Variants in PSMD9 observed in about 807,000 individuals in gnomAD.
PSMD9 encodes the protein proteasome 26S subunit, non-ATPase 9, also known as 26S proteasome non-ATPase regulatory subunit 9.
In PSMD9, 26 loss-of-function variants were observed where a neutral mutation model predicts 25.9. The ratio of observed to expected loss-of-function variants is 1.00; its 90% confidence interval spans 0.73 to 1.39. The LOEUF is 1.39. PSMD9 is among the 40% of genes most tolerant of loss of function. The probability of loss-of-function intolerance (pLI) is 0.00; values close to 1 mark genes in which losing one functional copy is unlikely to be tolerated. For missense variants in PSMD9, 303 were observed against 299.3 expected, an observed-to-expected ratio of 1.01 and a Z score of -0.09; for synonymous variants, 110 against 114.5, an observed-to-expected ratio of 0.96 and a Z score of 0.25.
chr12:121,903,407 A>C (rs1879457355), intron 4 of PSMD9, among the ~76,000 whole-genome samples: 1 of 151,858 alleles, frequency 6.6e-6, no homozygotes, highest in African/African-American at 2.4e-5. Context: ...CAGAGGCCCC[A>C]CCCCTAATAC....
intron 4 of PSMD9, among the ~76,000 whole-genome samples, chr12:121,904,174 C>CTT (rs1879484482): frequency 6.6e-6 from 1 of 151,822 alleles, no homozygotes; most frequent in South Asian, 2.1e-4. Flanking sequence ...AAATCTGTAA[C>CTT]TTGTATGGAC....
chr12:121,900,401 T>G (rs1385537975), intron 3 of PSMD9, among the ~76,000 whole-genome samples: 1 of 150,984 alleles, frequency 6.6e-6, no homozygotes, highest in Non-Finnish European at 1.5e-5. Context: ...TAAAAAAAAT[T>G]TTTTTTTGAC....
Position 121,888,863 on chromosome 12 carries a change from G to A in PSMD9, c.7G>A (p.Asp3Asn), listed in dbSNP as rs1326154430. Residue 3 changes from aspartate (D) to asparagine (N), a missense_variant, in exon 1 of 6, where the codon GAC (aspartate) becomes AAC (asparagine). Physicochemically the swap from Asp to Asn is conservative, Grantham distance 23. Transcript: ENST00000541212. ...TCGCGGCCCGGGGTTCACGATGTCC[G>A]ACGAGGAAGCGAGGCAGAGCGGAGG... MS[D>N]EEARQSGGSS... 1 of 1,603,702 alleles carries A rather than the reference G, an allele frequency of 6.2e-7. No homozygotes were observed. Among genetic ancestry groups the A allele is most frequent in the Admixed American group, 1.7e-5 (1 of 58,544 alleles).
intron 4 of PSMD9, among the ~76,000 whole-genome samples, chr12:121,913,281 G>A (rs113133838): frequency 4.0e-4 from 61 of 150,940 alleles, no homozygotes; most frequent in African/African-American, 1.4e-3. Flanking sequence ...GGGTTTCACC[G>A]TGTTAGCCAG....
intron 2 of PSMD9, among the ~76,000 whole-genome samples, chr12:121,896,213 T>TA (rs1289134787): frequency 2.6e-5 from 4 of 152,128 alleles, no homozygotes; most frequent in Non-Finnish European, 5.9e-5. Flanking sequence ...CTCATGCCTG[T>TA]AATCCCAGCA....
intron 3 of PSMD9, 173 bp from the exon 4 acceptor site, chr12:121,902,833 A>T (rs1879439008): frequency 1.8e-6 from 1 of 568,560 alleles, no homozygotes; most frequent in Admixed American, 2.8e-5. Flanking sequence ...TGGCCCCGTT[A>T]CCCACTGCCC....
Position 121,913,071 on chromosome 12 carries a change from G to T in PSMD9, c.556-2785G>T, listed in dbSNP as rs1879780657. ...CCTGCCTCAGCCTCCCGAGTAGCTG[G>T]GACTACAGGCGTCCACCACCAAGCC... On this transcript the variant is annotated intron_variant, in intron 4 of 5. Coordinates refer to ENST00000541212, the MANE Select transcript of PSMD9 (RefSeq NM_002813.7). Among the ~76,000 whole-genome samples, 3 of 151,694 alleles carry T rather than the reference G, an allele frequency of 2.0e-5. 1 individual carries two copies. Among genetic ancestry groups the T allele is most frequent in the African/African-American group, 7.2e-5 (3 of 41,456 alleles).
chr12:121,907,479 G>A (rs577354425), intron 4 of PSMD9, among the ~76,000 whole-genome samples: 4 of 151,876 alleles, frequency 2.6e-5, no homozygotes, highest in Non-Finnish European at 2.9e-5. Flanking sequence ...TCTGCCTCCC[G>A]GCACCTGGCC....
At chr12:121,896,361 T>C (rs1051176486) in intron 2 of PSMD9, among the ~76,000 whole-genome samples, 4 of 151,758 alleles carry the variant, frequency 2.6e-5, no homozygotes, top group Admixed American at 2.6e-4. Context: ...TTCCAGCTAC[T>C]TGGGAGGCTG....
chr12:121,893,052 A>T (rs76941510), intron 1 of PSMD9, among the ~76,000 whole-genome samples: 1,936 of 152,324 alleles, frequency 0.013, 26 homozygotes, highest in Non-Finnish European at 0.017. Flanking sequence ...GCAGGATTGT[A>T]GAGAATTGGG....
At chr12:121,891,019 G>A (rs1407835749) in intron 1 of PSMD9, among the ~76,000 whole-genome samples, 2 of 144,664 alleles carry the variant, frequency 1.4e-5, no homozygotes, top group African/African-American at 5.1e-5. Context: ...GGCCAAGGTG[G>A]GTGGATCACC....
intron 3 of PSMD9, among the ~76,000 whole-genome samples, chr12:121,901,666 CTTTTTTTTTTTTTTT>C (rs563939839): frequency 5.5e-4 from 51 of 93,578 alleles, no homozygotes; most frequent in Non-Finnish European, 5.1e-4. Context: ...TTCATTCCTT[CTTTTTTTTTTTTTTT>C]TTTTTTTTTT....
chr12:121,911,038 T>G, intron 4 of PSMD9: 1 of 454,810 alleles, frequency 2.2e-6, no homozygotes, highest in South Asian at 1.6e-5. Context: ...AGTTTTTTTG[T>G]TTTGTTTTGT....
chr12:121,899,388 CTT>C (rs1326404229), intron 2 of PSMD9: 1 of 496,060 alleles, frequency 2.0e-6, no homozygotes, highest in Non-Finnish European at 3.7e-6. Flanking sequence ...CGAGGGCAGA[CTT>C]TGCTGCTGGC....
chr12:121,899,753 A>T lies in PSMD9; in HGVS notation c.361A>T (p.Ser121Cys), dbSNP rs143562133. Residue 121 changes from serine to cysteine, a missense_variant, in exon 3 of 6, where the codon AGC (serine) becomes TGC (cysteine). Coordinates refer to ENST00000541212, the MANE Select transcript of PSMD9 (RefSeq NM_002813.7). Reference protein sequence around the residue: ...DMAEAHKEAMSRKLGQSESQG... With the variant: ...DMAEAHKEAMCRKLGQSESQG... ...GGCTGAGGCCCACAAAGAGGCCATG[A>T]GCCGCAAACTGGGTCAGAGTGAGAG... The T allele has an allele frequency of 4.8e-4, 768 of 1,614,090 alleles. No individual in the cohort carries two copies. Among genetic ancestry groups the T allele is most frequent in the Non-Finnish European group, 6.0e-4 (711 of 1,179,962 alleles).
rs118111382 is a variant in PSMD9, at chr12:121,915,885, G to C, written c.585G>C (p.Arg195Ser). ...GKPLNVTVIR[R>S]GEKHQLRLVP... ...CCCTGAATGTGACAGTGATCCGCAG[G>C]GGGGAAAAACACCAGCTTAGACTTG... Residue 195 changes from arginine to serine, a missense_variant, in exon 5 of 6, where the codon AGG (arginine) becomes AGC (serine). By Grantham distance (110) the Arg-to-Ser change is moderately radical (BLOSUM62 -1). Transcript: ENST00000541212. 5.2e-5 allele frequency: 84 copies of C among 1,613,748 alleles called. No homozygotes were observed. The highest frequency in any genetic ancestry group is 8.3e-5 in the Admixed American group (5 of 59,910).
intron 1 of PSMD9, 150 bp from the exon 2 acceptor site, chr12:121,894,581 GTGAGGGCA>G (rs1879177001): frequency 3.1e-6 from 2 of 635,606 alleles, no homozygotes; most frequent in Admixed American, 5.5e-5. Flanking sequence ...CAGGGTAGTT[GTGAGGGCA>G]TGAGTAGAGC....
intron 2 of PSMD9, among the ~76,000 whole-genome samples, chr12:121,895,883 C>T (rs1879214410): frequency 6.6e-6 from 1 of 152,234 alleles, no homozygotes; most frequent in African/African-American, 2.4e-5. Flanking sequence ...CCATTATCCA[C>T]TCAGCCATAG....
rs201207198 is a variant in PSMD9, at chr12:121,915,935, G to C, written c.635G>C (p.Gly212Ala). Reference sequence around the variant, plus strand: ...GTTCCAACACGCTGGGCAGGAAAAGGACTGCTGGGGTAAAGTATCTGTTTC... The same window carrying C: ...GTTCCAACACGCTGGGCAGGAAAAGCACTGCTGGGGTAAAGTATCTGTTTC... The part of the protein sequence containing the change: ...RLVPTRWAGK[G>A]LLGCNIIPLQ... The change falls in exon 5 of 6, where the codon GGA (glycine) becomes GCA (alanine). Residue 212 changes from glycine (G) to alanine (A), a missense_variant. Transcript: ENST00000541212. 14 of 1,613,518 alleles carry C rather than the reference G, an allele frequency of 8.7e-6. No homozygotes were observed. The highest frequency in any genetic ancestry group is 5.5e-5 in the South Asian group (5 of 91,010).
Sources: gnomAD v4.1 joint callset for allele counts (sites outside exome capture counted in the v4.1 genomes callset) on GRCh38, gnomAD v4.1.1 for gene constraint, MANE v1.5 for transcripts, NCBI Gene and HGNC (gene_info 2026-07-23, HGNC 2026-07-21) for gene names.